The following RIN2 variants were observed in gnomAD, a reference collection of about 807,000 sequenced individuals.
RIN2 encodes RAB5 interacting protein 2.
In RIN2, 36 loss-of-function variants were observed where a neutral mutation model predicts 78.0. That is an observed-to-expected ratio of 0.46 (90% confidence interval 0.35 to 0.61). The LOEUF (loss-of-function observed/expected upper bound fraction) is 0.61, where lower values mean the gene tolerates loss of function less well. RIN2 is among the 20% of genes least tolerant of loss of function. RIN2 has a pLI of 0.00. For synonymous variants in RIN2, 466 were observed against 466.8 expected, an observed-to-expected ratio of 1.00 and a Z score of 0.02; for missense variants, 1,087 against 1,159.7, an observed-to-expected ratio of 0.94 and a Z score of 0.91.
chr20:19,950,940 A>G (rs1016706114), intron 4 of RIN2, among the ~76,000 whole-genome samples: 8 of 150,528 alleles, frequency 5.3e-5, no homozygotes, highest in African/African-American at 2.0e-4. Flanking sequence ...CCCCCGCTGA[A>G]GTGCAGTGGT....
intron 10 of RIN2, among the ~76,000 whole-genome samples, chr20:19,990,799 G>T (rs1231388022): frequency 6.6e-6 from 1 of 151,980 alleles, no homozygotes; most frequent in Admixed American, 6.6e-5. Context: ...GCCAATGAGG[G>T]TTTGTGTCAA....
chr20:19,822,655 CA>C (rs2035960814), intron 2 of RIN2, among the ~76,000 whole-genome samples: 1 of 150,470 alleles, frequency 6.6e-6, no homozygotes, highest in Admixed American at 6.6e-5. Context: ...GCAAAATACA[CA>C]CACACACACA....
chr20:19,923,093 C>G (rs998949559), intron 3 of RIN2, among the ~76,000 whole-genome samples: 5 of 152,150 alleles, frequency 3.3e-5, no homozygotes, highest in African/African-American at 9.7e-5. Flanking sequence ...TCCAAGTAGG[C>G]ATTTCAGTCA....
chr20:19,801,784 G>A (rs1244709507), intron 2 of RIN2, among the ~76,000 whole-genome samples: 3 of 152,196 alleles, frequency 2.0e-5, no homozygotes, highest in Non-Finnish European at 4.4e-5. Flanking sequence ...AAGAGCATTA[G>A]ATGTGAATTT....
intron 2 of RIN2, among the ~76,000 whole-genome samples, chr20:19,839,746 A>G (rs887943020): frequency 9.2e-5 from 14 of 152,118 alleles, no homozygotes; most frequent in South Asian, 6.2e-4. Flanking sequence ...ATGGCTAGCA[A>G]GGTCCTCCCC....
chr20:19,919,822 A>G (rs79128653), intron 3 of RIN2, among the ~76,000 whole-genome samples: 234 of 152,252 alleles, frequency 1.5e-3, no homozygotes, highest in African/African-American at 5.4e-3. Flanking sequence ...ATAAATAAAA[A>G]TGTGAAAGTG....
intron 3 of RIN2, among the ~76,000 whole-genome samples, chr20:19,904,744 A>G (rs577224216): frequency 6.6e-6 from 1 of 152,294 alleles, no homozygotes; most frequent in East Asian, 1.9e-4. Flanking sequence ...GGGTATGAGG[A>G]GGGGAGTGCC....
At chr20:19,946,679 C>G (rs1340880187) in intron 4 of RIN2, among the ~76,000 whole-genome samples, 1 of 147,690 alleles carries the variant, frequency 6.8e-6, no homozygotes, top group Non-Finnish European at 1.5e-5. Context: ...CACCACTGCA[C>G]TCCAGCCCTG....
intron 2 of RIN2, among the ~76,000 whole-genome samples, chr20:19,844,545 G>A (rs1018609962): frequency 4.6e-5 from 7 of 151,946 alleles, no homozygotes; most frequent in African/African-American, 1.7e-4. Context: ...GTGACAGGTG[G>A]GAATGGTGGA....
In RIN2 at chr20:19,966,172, T is replaced by C. The variant is rs546791537; in HGVS notation, c.536+1148T>C. 1.8e-3 allele frequency among the ~76,000 whole-genome samples: 267 copies of C among 152,260 alleles called. 1 individual carries two copies. Among genetic ancestry groups the C allele is most frequent in the African/African-American group, 6.1e-3 (255 of 41,546 alleles). ...GACAGGAAAATGTGTTACTAGGATG[T>C]TTTCAGACATCACTTCTCACAGCTA... On this transcript the variant is annotated intron_variant, in intron 7 of 12. Transcript: ENST00000255006.
chr20:19,776,193 A>G (rs942106742), intron 1 of RIN2, among the ~76,000 whole-genome samples: 1 of 152,192 alleles, frequency 6.6e-6, no homozygotes, highest in African/African-American at 2.4e-5. Context: ...GGAGTCGGAC[A>G]TGCCTCATTA....
At position 19,772,168 on chromosome 20, in the gene RIN2, A is replaced by G. The variant is rs117817484; in HGVS notation, c.-163+13841A>G. On this transcript the variant is annotated intron_variant, in intron 1 of 12. Coordinates refer to ENST00000255006, the MANE Select transcript of RIN2 (RefSeq NM_018993.4). ...TCACCCTGTTTCCTGGGTCATTTCC[A>G]TCCAGCTGGATTCATACTGTAGTAT... 3.2e-4 allele frequency among the ~76,000 whole-genome samples: 49 copies of G among 152,226 alleles called. 1 individual carries two copies. In the East Asian group the frequency reaches 8.9e-3, roughly 28 times the overall value.
intron 9 of RIN2, among the ~76,000 whole-genome samples, chr20:19,986,104 T>C (rs1384621119): frequency 6.6e-6 from 1 of 152,044 alleles, no homozygotes; most frequent in Non-Finnish European, 1.5e-5. Flanking sequence ...AAATGGAGAG[T>C]AGTAATTTAT....
At chr20:19,960,625 G>A in intron 5 of RIN2, 75 bp from the exon 6 acceptor site, 1 of 1,091,370 alleles carries the variant, frequency 9.2e-7, no homozygotes, top group South Asian at 1.3e-5. Flanking sequence ...TTCATTGAGT[G>A]TGAGGGAAAC....
intron 4 of RIN2, among the ~76,000 whole-genome samples, chr20:19,936,982 G>T (rs909317347): frequency 2.6e-5 from 4 of 152,144 alleles, no homozygotes; most frequent in Non-Finnish European, 4.4e-5. Flanking sequence ...GTTCTAAGTC[G>T]CTTATAGCGA....
intron 2 of RIN2, among the ~76,000 whole-genome samples, chr20:19,854,337 G>T (rs1307260931): frequency 2.6e-5 from 4 of 152,156 alleles, no homozygotes; most frequent in South Asian, 2.1e-4. Context: ...TTGTTCTTTT[G>T]GCTTAGGATT....
intron 2 of RIN2, among the ~76,000 whole-genome samples, chr20:19,815,413 C>G (rs1179866341): frequency 6.6e-6 from 1 of 152,164 alleles, no homozygotes; most frequent in African/African-American, 2.4e-5. Context: ...CATTGGCTCC[C>G]TTTTTCTTAT....
chr20:19,999,140 A>G (rs1413742154), intron 12 of RIN2, among the ~76,000 whole-genome samples: 1 of 152,126 alleles, frequency 6.6e-6, no homozygotes, highest in South Asian at 2.1e-4. Context: ...ACATGGGAAG[A>G]GGTAGTACGT....
At chr20:19,798,405 C>T (rs1018906266) in intron 1 of RIN2, among the ~76,000 whole-genome samples, 6 of 151,526 alleles carry the variant, frequency 4.0e-5, no homozygotes, top group Non-Finnish European at 7.4e-5. Context: ...CATCTGTGTG[C>T]GAGATTTCCA....
Sources: allele counts gnomAD v4.1 joint callset (sites outside exome capture counted in the v4.1 genomes callset), GRCh38; gene constraint gnomAD v4.1.1; transcripts MANE v1.5; gene names NCBI Gene and HGNC (gene_info 2026-07-23, HGNC 2026-07-21).